Variants in CDH13 observed in about 807,000 individuals in gnomAD.
The protein encoded by CDH13 is cadherin 13.
Under a neutral mutation model 63.8 loss-of-function variants are expected in CDH13, and 24 were observed. The observed-to-expected ratio is 0.38, with a 90% confidence interval of 0.27 to 0.53. The LOEUF (loss-of-function observed/expected upper bound fraction) is 0.53, where lower values mean the gene tolerates loss of function less well. Ranked by LOEUF, CDH13 falls within the 20% of genes least tolerant of loss-of-function variation. The pLI, the probability that CDH13 is intolerant of heterozygous loss-of-function variation, is 0.85. For synonymous variants in CDH13, 503 were observed against 355.3 expected, an observed-to-expected ratio of 1.42 and a Z score of -4.67; for missense variants, 1,049 against 903.1, an observed-to-expected ratio of 1.16 and a Z score of -2.07.
intron 11 of CDH13, among the ~76,000 whole-genome samples, chr16:83,763,914 G>A (rs1914176859): frequency 6.6e-6 from 1 of 152,056 alleles, no homozygotes; most frequent in African/African-American, 2.4e-5. Flanking sequence ...GGAGCCTAGT[G>A]CCATCTACAC....
intron 7 of CDH13, among the ~76,000 whole-genome samples, chr16:83,569,870 G>A (rs559527802): frequency 3.7e-4 from 57 of 152,220 alleles, no homozygotes; most frequent in African/African-American, 1.2e-3. Context: ...CCGAGTAGCT[G>A]GGACTACAGG....
At chr16:83,319,721 T>C (rs2090180870) in intron 5 of CDH13, among the ~76,000 whole-genome samples, 1 of 152,058 alleles carries the variant, frequency 6.6e-6, no homozygotes, top group African/African-American at 2.4e-5. Context: ...GAAAAAAATA[T>C]GCTGGGTGAG....
In CDH13 at chr16:82,644,339, C is replaced by G. The variant is rs976696052; in HGVS notation, c.45+17202C>G. Among the ~76,000 whole-genome samples the G allele has an allele frequency of 6.6e-6, 1 of 152,158 alleles. No homozygotes were observed. The highest frequency in any genetic ancestry group is 2.4e-5 in the African/African-American group (1 of 41,438). ...CCCGAACTCCTCCCACCCCTGCCTTCTGCGTCTCCCTCTGTGCTCTCCATC... is the reference window on the plus strand; with the variant it reads ...CCCGAACTCCTCCCACCCCTGCCTTGTGCGTCTCCCTCTGTGCTCTCCATC... On this transcript the variant is annotated intron_variant, in intron 1 of 13. Coordinates refer to ENST00000567109, the MANE Select transcript of CDH13 (RefSeq NM_001257.5). This position sits in a 1 kb window ranked among gnomAD's most constrained non-coding sequence, Gnocchi z 5.7.
chr16:82,790,638 A>G (rs931692681), intron 1 of CDH13, among the ~76,000 whole-genome samples: 3 of 152,194 alleles, frequency 2.0e-5, no homozygotes, highest in African/African-American at 4.8e-5. Context: ...TAGGTAATTT[A>G]TAAAGGAAAG....
chr16:83,649,188 C>T (rs913959910), intron 8 of CDH13, among the ~76,000 whole-genome samples: 2 of 152,256 alleles, frequency 1.3e-5, no homozygotes, highest in Admixed American at 6.5e-5. Flanking sequence ...AGCCTTCCTG[C>T]TCCATGTGGG....
chr16:83,648,962 C>G (rs1433299151), intron 8 of CDH13, among the ~76,000 whole-genome samples: 1 of 152,198 alleles, frequency 6.6e-6, no homozygotes, highest in Non-Finnish European at 1.5e-5. Flanking sequence ...CATACACCAC[C>G]TACTATGCTA....
intron 1 of CDH13, among the ~76,000 whole-genome samples, chr16:82,768,960 A>G (rs1379356420): frequency 1.3e-5 from 2 of 152,240 alleles, no homozygotes; most frequent in African/African-American, 2.4e-5. Context: ...CAAATGTTCA[A>G]GAATAATCAT....
At position 83,015,675 on chromosome 16, in the gene CDH13, A is replaced by ATG. The variant is rs1198071503; in HGVS notation, c.158-16333_158-16332dup. 8.1e-3 allele frequency among the ~76,000 whole-genome samples: 417 copies of ATG among 51,170 alleles called. 5 individuals carry two copies. The highest frequency in any genetic ancestry group is 0.021 in the African/African-American group (310 of 14,940). 33.6% of individuals were successfully genotyped at this position (51,170 alleles called of 152,430 possible). ...AGCATATATGTGTGTGTGTGTGTGT[A>ATG]TGTATATATATATATATATATATAT... is the stretch of plus-strand genomic sequence containing the variant. On this transcript the variant is annotated intron_variant, in intron 2 of 13. Transcript: ENST00000567109.
intron 6 of CDH13, among the ~76,000 whole-genome samples, chr16:83,447,851 G>C (rs1054941916): frequency 6.6e-6 from 1 of 151,576 alleles, no homozygotes; most frequent in African/African-American, 2.4e-5. Flanking sequence ...AGATAGACCA[G>C]TTCTCTCTCT....
At chr16:83,369,437 T>C (rs2091322060) in intron 6 of CDH13, among the ~76,000 whole-genome samples, 1 of 152,080 alleles carries the variant, frequency 6.6e-6, no homozygotes, top group African/African-American at 2.4e-5. Flanking sequence ...TTTTGTTTTT[T>C]TGAGCTGGGG....
intron 2 of CDH13, among the ~76,000 whole-genome samples, chr16:82,888,862 G>T (rs534038703): frequency 6.6e-6 from 1 of 152,168 alleles, no homozygotes; most frequent in Non-Finnish European, 1.5e-5. Flanking sequence ...TCTTGTGGCC[G>T]GTTATAAAAT....
At chr16:82,820,442 G>A (rs2037949958) in intron 1 of CDH13, among the ~76,000 whole-genome samples, 2 of 152,146 alleles carry the variant, frequency 1.3e-5, no homozygotes, top group Non-Finnish European at 2.9e-5. Flanking sequence ...TACAGGTAAT[G>A]AAACTGAGGC....
chr16:83,350,731 C>T (rs752825660), intron 6 of CDH13, among the ~76,000 whole-genome samples: 1 of 152,158 alleles, frequency 6.6e-6, no homozygotes, highest in Non-Finnish European at 1.5e-5. Context: ...GCAAGTGCTA[C>T]AACATAGTTG....
chr16:83,688,938 C>G (rs1264186739), intron 10 of CDH13, among the ~76,000 whole-genome samples: 1 of 152,088 alleles, frequency 6.6e-6, no homozygotes, highest in Non-Finnish European at 1.5e-5. Flanking sequence ...AAAATAGAAT[C>G]CTGGCTTTTA....
chr16:82,799,617 C>A (rs2036753307), intron 1 of CDH13, among the ~76,000 whole-genome samples: 1 of 152,190 alleles, frequency 6.6e-6, no homozygotes, highest in Admixed American at 6.5e-5. Context: ...CCATTTATTT[C>A]CATCAGTGAC....
At chr16:83,242,280 G>C (rs1000249508) in intron 5 of CDH13, among the ~76,000 whole-genome samples, 15 of 152,186 alleles carry the variant, frequency 9.9e-5, no homozygotes, top group African/African-American at 2.9e-4. Flanking sequence ...AGGACTAAGA[G>C]ATTTTGCTCT....
At chr16:83,075,595 A>G (rs188710260) in intron 3 of CDH13, among the ~76,000 whole-genome samples, 13 of 152,312 alleles carry the variant, frequency 8.5e-5, no homozygotes, top group Admixed American at 8.5e-4. Context: ...TTGGATTCAG[A>G]TGAACTTTGA....
At chr16:83,681,304 AGT>A (rs1374241620) in intron 10 of CDH13, among the ~76,000 whole-genome samples, 1 of 152,146 alleles carries the variant, frequency 6.6e-6, no homozygotes, top group African/African-American at 2.4e-5. Flanking sequence ...ATAGAGCTGC[AGT>A]GTGTCTCTGC....
intron 4 of CDH13, among the ~76,000 whole-genome samples, chr16:83,162,894 C>T (rs917617657): frequency 7.9e-5 from 12 of 152,094 alleles, no homozygotes; most frequent in African/African-American, 2.9e-4. Flanking sequence ...GTAGAGCTAG[C>T]TTGGGCTGCT....
Sources: allele counts gnomAD v4.1 joint callset (sites outside exome capture counted in the v4.1 genomes callset), GRCh38; gene constraint gnomAD v4.1.1; non-coding constraint Gnocchi (gnomAD v3.1); transcripts MANE v1.5; gene names NCBI Gene and HGNC (gene_info 2026-07-23, HGNC 2026-07-21).